Variants in ASRGL1 observed in about 807,000 individuals in gnomAD.
The protein encoded by ASRGL1 is isoaspartyl peptidase/L-asparaginase.
A neutral mutation model predicts 22.4 loss-of-function variants in ASRGL1; 16 were observed. The observed-to-expected ratio is 0.71, with a 90% CI of 0.48 to 1.08. The LOEUF (loss-of-function observed/expected upper bound fraction) is 1.08. ASRGL1 is among the 50% of genes least tolerant of loss of function. The pLI is 0.00. For synonymous variants in ASRGL1, 165 were observed against 159.3 expected, an observed-to-expected ratio of 1.04 and a Z score of -0.27; for missense variants, 412 against 410.1, an observed-to-expected ratio of 1.00 and a Z score of -0.04.
chr11:62,370,684 T>C (rs1044222756), intron 4 of ASRGL1, among the ~76,000 whole-genome samples: 1 of 152,180 alleles, frequency 6.6e-6, no homozygotes, highest in Non-Finnish European at 1.5e-5. Flanking sequence ...TGTGCAATTG[T>C]GGTAGCATTG....
chr11:62,376,337 G>A (rs939677984), intron 4 of ASRGL1, among the ~76,000 whole-genome samples: 1 of 151,956 alleles, frequency 6.6e-6, no homozygotes, highest in Non-Finnish European at 1.5e-5. Context: ...CTGTCTCCGC[G>A]GAGGCGCTTT....
chr11:62,371,065 G>C, intron 4 of ASRGL1: 3 of 515,344 alleles, frequency 5.8e-6, no homozygotes, highest in Non-Finnish European at 9.6e-6. Flanking sequence ...AAAGCCCTCC[G>C]ATCCGTCTTT....
intron 4 of ASRGL1, chr11:62,373,210 A>C: frequency 6.1e-5 from 56 of 912,408 alleles, no homozygotes; most frequent in Non-Finnish European, 9.2e-5. Flanking sequence ...CACACCTCTC[A>C]TGGCAGCTGT....
intron 4 of ASRGL1, among the ~76,000 whole-genome samples, chr11:62,377,994 T>G (rs1836724849): frequency 6.6e-6 from 1 of 152,134 alleles, no homozygotes. Flanking sequence ...CTAATTTAAT[T>G]TTTTTTGTTG....
intron 4 of ASRGL1, among the ~76,000 whole-genome samples, chr11:62,364,813 AAT>A (rs1010010018): frequency 1.3e-5 from 2 of 152,172 alleles, no homozygotes; most frequent in Non-Finnish European, 2.9e-5. Context: ...TCACGCCTGT[AAT>A]CTCAGCACTT....
intron 2 of ASRGL1, among the ~76,000 whole-genome samples, chr11:62,350,394 A>G (rs903128553): frequency 1.3e-5 from 2 of 152,216 alleles, no homozygotes; most frequent in African/African-American, 2.4e-5. Context: ...GCTGCTATGA[A>G]CATTCATGAA....
At chr11:62,369,932 T>C (rs1372897888) in intron 4 of ASRGL1, among the ~76,000 whole-genome samples, 1 of 152,180 alleles carries the variant, frequency 6.6e-6, no homozygotes, top group African/African-American at 2.4e-5. Flanking sequence ...TTAATTTGAT[T>C]TGCCAATTTT....
rs1448436631 is a variant in ASRGL1, at chr11:62,337,455, C to T, written c.-208C>T. On this transcript the variant is annotated 5_prime_UTR_variant, in exon 1 of 7. Coordinates refer to ENST00000415229, the MANE Select transcript of ASRGL1 (RefSeq NM_001083926.2). ...GTGCGCAGGCGCAGAACCGTTGTGA[C>T]CAGAGCGGTTGCGGGCTGAGCGGTT... 6.3e-6 allele frequency: 1 copy of T among 158,856 alleles called. No individual in the cohort carries two copies. Among genetic ancestry groups the T allele is most frequent in the Admixed American group, 6.5e-5 (1 of 15,446 alleles). The allele number at this position is 158,856 out of a possible 1,614,324, so 9.8% of individuals were successfully genotyped here.
chr11:62,375,462 ATATATATATATATATATATTTC>A (rs1252813737), intron 4 of ASRGL1, among the ~76,000 whole-genome samples: 2 of 84,974 alleles, frequency 2.4e-5, no homozygotes, highest in African/African-American at 9.1e-5. Context: ...ATATATATAT[ATATATATATATATATATATTTC>A]TTGGAGTAAA....
intron 4 of ASRGL1, chr11:62,373,121 A>T: frequency 6.8e-7 from 1 of 1,465,790 alleles, no homozygotes; most frequent in East Asian, 2.3e-5. Context: ...ATGAAAGTGA[A>T]ACTGAGAAAG....
At chr11:62,358,867 C>G (rs1200121960) in intron 4 of ASRGL1, among the ~76,000 whole-genome samples, 1 of 152,110 alleles carries the variant, frequency 6.6e-6, no homozygotes, top group Non-Finnish European at 1.5e-5. Flanking sequence ...GGGGAAGATT[C>G]GAACAGCAGA....
chr11:62,390,490 G>A (rs995603749), intron 5 of ASRGL1, among the ~76,000 whole-genome samples: 4 of 152,164 alleles, frequency 2.6e-5, no homozygotes, highest in Admixed American at 6.5e-5. Flanking sequence ...GCCTGTGCCA[G>A]GACCACCCTT....
chr11:62,371,953 C>CAA (rs35892721), intron 4 of ASRGL1: 24,823 of 407,542 alleles, frequency 0.061, 60 homozygotes, highest in South Asian at 0.085. Context: ...GACTCCGTCT[C>CAA]AAAAAAAAAA....
chr11:62,348,152 G>A (rs564619050), intron 2 of ASRGL1, among the ~76,000 whole-genome samples: 5 of 152,168 alleles, frequency 3.3e-5, no homozygotes, highest in Admixed American at 6.5e-5. Flanking sequence ...GCCATTTCAC[G>A]TAGAGGACTT....
chr11:62,382,011 G>A (rs1396324333), intron 4 of ASRGL1: 1 of 152,252 alleles, frequency 6.6e-6, no homozygotes, highest in African/African-American at 2.4e-5. Flanking sequence ...ATAAGAGGCT[G>A]GGTGCGGTGG....
chr11:62,379,771 C>T (rs1265675804), intron 4 of ASRGL1, among the ~76,000 whole-genome samples: 1 of 152,124 alleles, frequency 6.6e-6, no homozygotes, highest in Non-Finnish European at 1.5e-5. Context: ...CCCTGAGGCA[C>T]TTGTGACAGT....
At chr11:62,342,854 C>T (rs1403391390) in intron 2 of ASRGL1, among the ~76,000 whole-genome samples, 2 of 151,764 alleles carry the variant, frequency 1.3e-5, no homozygotes, top group African/African-American at 4.8e-5. Flanking sequence ...CCCGTGTAGA[C>T]GTGGATATCA....
chr11:62,359,826 C>A (rs1946390794), intron 4 of ASRGL1, among the ~76,000 whole-genome samples: 1 of 151,994 alleles, frequency 6.6e-6, no homozygotes, highest in Non-Finnish European at 1.5e-5. Context: ...TTAAAAGATG[C>A]AGTTAATTTC....
At chr11:62,382,271 C>A (rs180791769) in intron 4 of ASRGL1, 2 of 152,066 alleles carry the variant, frequency 1.3e-5, no homozygotes, top group African/African-American at 4.8e-5. Flanking sequence ...GGACCCCCAC[C>A]GGCAACAGTC....
Sources: allele counts gnomAD v4.1 joint callset (sites outside exome capture counted in the v4.1 genomes callset), GRCh38; gene constraint gnomAD v4.1.1; transcripts MANE v1.5; gene names NCBI Gene and HGNC (gene_info 2026-07-23, HGNC 2026-07-21).